The following WDR25 variants were observed in gnomAD, a reference collection of about 807,000 sequenced individuals.
WDR25 encodes the protein WD repeat-containing protein 25.
Under a neutral mutation model 47.7 loss-of-function variants are expected in WDR25, and 35 were observed. The ratio of observed to expected loss-of-function variants is 0.73; its 90% CI spans 0.56 to 0.97. The LOEUF is 0.97. Ranked by LOEUF, WDR25 falls within the 50% of genes least tolerant of loss-of-function variation. The probability of loss-of-function intolerance (pLI) is 0.00; values close to 1 mark genes in which losing one functional copy is unlikely to be tolerated. For synonymous variants in WDR25, 248 were observed against 278.9 expected (o/e 0.89, Z 1.10); for missense variants, 634 against 704.7 (o/e 0.90, Z 1.14).
At chr14:100,480,929 T>C (rs572008816) in intron 3 of WDR25, 3 of 387,388 alleles carry the variant, frequency 7.7e-6, no homozygotes, top group Non-Finnish European at 1.5e-5. Flanking sequence ...GCACCTGGCA[T>C]GCACCCTCCC....
intron 4 of WDR25, among the ~76,000 whole-genome samples, chr14:100,484,599 G>C (rs192815233): frequency 1.1e-4 from 16 of 152,122 alleles, no homozygotes; most frequent in Admixed American, 1.0e-3. Context: ...CAGTCTTAAA[G>C]GCTGGTTGTG....
chr14:100,413,907 T>G (rs1056846474), intron 2 of WDR25, among the ~76,000 whole-genome samples: 1 of 152,246 alleles, frequency 6.6e-6, no homozygotes, highest in Non-Finnish European at 1.5e-5. Flanking sequence ...TGAGTAGTAT[T>G]CCATTGCATG....
In WDR25 at chr14:100,500,957, C is replaced by T. The variant is rs143959369; in HGVS notation, c.1101+16833C>T. 6.2e-4 allele frequency among the ~76,000 whole-genome samples: 95 copies of T among 152,324 alleles called. 1 individual carries two copies. Among genetic ancestry groups the T allele is most frequent in the African/African-American group, 1.9e-3 (79 of 41,570 alleles). ...TTTGTATCTGTAATTTAAAATTTCA[C>T]AGTCTTCAACATGACAGTTTCTCTG... On this transcript the variant is annotated intron_variant, in intron 4 of 6. Coordinates refer to ENST00000402312, the MANE Select transcript of WDR25 (RefSeq NM_001161476.3). This position sits in a 1 kb window ranked among gnomAD's most constrained non-coding sequence, Gnocchi z 4.7.
chr14:100,527,243 C>T (rs960143055), intron 5 of WDR25, among the ~76,000 whole-genome samples: 4 of 151,640 alleles, frequency 2.6e-5, no homozygotes, highest in South Asian at 2.1e-4. Flanking sequence ...TCATCACCAC[C>T]GTCATCTCTG....
At chr14:100,467,903 G>A (rs1899690853) in intron 2 of WDR25, 118 bp from the exon 3 acceptor site, 1 of 1,308,422 alleles carries the variant, frequency 7.6e-7, no homozygotes, top group Admixed American at 2.1e-5. Flanking sequence ...AGATTTGATG[G>A]TAAAATAATG....
At chr14:100,385,367 C>T (rs1004267271) in intron 2 of WDR25, among the ~76,000 whole-genome samples, 1 of 152,160 alleles carries the variant, frequency 6.6e-6, no homozygotes, top group African/African-American at 2.4e-5. Flanking sequence ...ATCCAAGCTT[C>T]TAGAATGTGG....
chr14:100,469,129 T>C lies in WDR25; in HGVS notation c.970+961T>C, dbSNP rs902219062. On this transcript the variant is annotated intron_variant, in intron 3 of 6. Coordinates refer to ENST00000402312, the MANE Select transcript of WDR25 (RefSeq NM_001161476.3). ...CTCCCCTTGAACCCTCAGGCCAGCA[T>C]CTTGCCTGCCTAGCCCCGCAGTGGT... 3.9e-5 allele frequency among the ~76,000 whole-genome samples: 6 copies of C among 152,188 alleles called. No individual in the cohort carries two copies. The East Asian group carries it at 9.7e-4, about 25-fold the overall frequency.
chr14:100,390,391 CTGTGTGTGTGTGTGTG>C (rs55802109), intron 2 of WDR25, among the ~76,000 whole-genome samples: 3 of 146,614 alleles, frequency 2.0e-5, no homozygotes, highest in Admixed American at 1.4e-4. Flanking sequence ...TGACCAAAAG[CTGTGTGTGTGTGTGTG>C]TGTGTGTGTG....
At chr14:100,510,115 C>G (rs1355725301) in intron 4 of WDR25, among the ~76,000 whole-genome samples, 7 of 151,232 alleles carry the variant, frequency 4.6e-5, no homozygotes, top group African/African-American at 1.7e-4. Flanking sequence ...ACTAGAAGTA[C>G]ACAAAATAGC....
intron 2 of WDR25, chr14:100,406,804 G>A (rs8016473): frequency 0.078 from 11,834 of 152,444 alleles, 1,412 homozygotes; most frequent in African/African-American, 0.26. Context: ...AAGAGTGAGT[G>A]AGTGAATGAA....
rs1385203347 is a variant in WDR25, at chr14:100,449,320, G to GT, written c.823-18699dup. Among the ~76,000 whole-genome samples, 1 of 152,270 alleles carries GT rather than the reference G, an allele frequency of 6.6e-6. No individual in the cohort carries two copies. Among genetic ancestry groups the GT allele is most frequent in the Non-Finnish European group, 1.5e-5 (1 of 68,046 alleles). On this transcript the variant is annotated intron_variant, in intron 2 of 6. Coordinates refer to ENST00000402312, the MANE Select transcript of WDR25 (RefSeq NM_001161476.3). This position sits in a 1 kb window ranked among gnomAD's most constrained non-coding sequence, Gnocchi z 4.2. ...GTGGCTTCGATAATGGTATGGGCCT[G>GT]TTGGAGCCTGGCTACAGGGCTGCCC... is the stretch of plus-strand genomic sequence containing the variant.
intron 2 of WDR25, among the ~76,000 whole-genome samples, chr14:100,389,145 A>G (rs1897083029): frequency 1.3e-5 from 2 of 152,226 alleles, no homozygotes; most frequent in African/African-American, 4.8e-5. Context: ...TTTTATCATA[A>G]AAGTGGTAAA....
Position 100,424,904 on chromosome 14 carries a change from T to C in WDR25, c.823-43117T>C, listed in dbSNP as rs922033355. Among the ~76,000 whole-genome samples the C allele has an allele frequency of 2.6e-5, 4 of 152,134 alleles. No individual in the cohort carries two copies. The highest frequency in any genetic ancestry group is 9.7e-5 in the African/African-American group (4 of 41,416). ...ACATGTGCTCCTGTTGCCCTGCCCC[T>C]CCTGGCATAATATCCCACTTCCTGC... On this transcript the variant is annotated intron_variant, in intron 2 of 6. Coordinates refer to ENST00000402312, the MANE Select transcript of WDR25 (RefSeq NM_001161476.3). The surrounding 1 kb of genome is among the most constrained non-coding windows in gnomAD (Gnocchi z 4.2).
chr14:100,413,717 C>T (rs968979532), intron 2 of WDR25, among the ~76,000 whole-genome samples: 1 of 152,054 alleles, frequency 6.6e-6, no homozygotes, highest in African/African-American at 2.4e-5. Flanking sequence ...CCGGCCTTGC[C>T]ATTACTTTGA....
chr14:100,477,550 A>G (rs1900057092), intron 3 of WDR25, among the ~76,000 whole-genome samples: 1 of 96,956 alleles, frequency 1.0e-5, no homozygotes, highest in Non-Finnish European at 2.1e-5. Flanking sequence ...GCTGAAAGTA[A>G]CATTGCCCAG....
At chr14:100,519,227 C>G (rs932571416) in intron 4 of WDR25, among the ~76,000 whole-genome samples, 1 of 150,422 alleles carries the variant, frequency 6.6e-6, no homozygotes, top group Non-Finnish European at 1.5e-5. Context: ...AAAATTTTGT[C>G]CAGAGTTTTT....
At position 100,530,080 on chromosome 14, in the gene WDR25, CT is replaced by C; in HGVS notation, c.*41del. The C allele has an allele frequency of 1.9e-6, 3 of 1,575,512 alleles. No homozygotes were observed. The highest frequency in any genetic ancestry group is 2.6e-6 in the Non-Finnish European group (3 of 1,156,816). On this transcript the variant is annotated 3_prime_UTR_variant, in exon 7 of 7. Coordinates refer to ENST00000402312, the MANE Select transcript of WDR25 (RefSeq NM_001161476.3). ...GAACCTTCCCGATGCCAGCTGGGCT[CT>C]TGGACTCCCCTCTTCCTCAAGGGTA...
intron 2 of WDR25, among the ~76,000 whole-genome samples, chr14:100,408,472 A>T (rs1339805852): frequency 6.6e-6 from 1 of 152,068 alleles, no homozygotes; most frequent in Non-Finnish European, 1.5e-5. Flanking sequence ...TTCTCTAGGG[A>T]TGGTCTGCAG....
intron 2 of WDR25, among the ~76,000 whole-genome samples, chr14:100,443,536 C>T (rs192047001): frequency 1.3e-5 from 2 of 152,318 alleles, no homozygotes; most frequent in East Asian, 3.9e-4. Flanking sequence ...TCAGCTGTCA[C>T]TCGATTGTTC....
Sources: allele counts gnomAD v4.1 joint callset (sites outside exome capture counted in the v4.1 genomes callset), GRCh38; gene constraint gnomAD v4.1.1; non-coding constraint Gnocchi (gnomAD v3.1); transcripts MANE v1.5; gene names NCBI Gene and HGNC (gene_info 2026-07-23, HGNC 2026-07-21).